The following LIN7B variants were observed in gnomAD, a reference collection of about 807,000 sequenced individuals.
LIN7B encodes protein lin-7 homolog B.
A neutral mutation model predicts 27.9 loss-of-function variants in LIN7B; 16 were observed. The ratio of observed to expected loss-of-function variants is 0.57; its 90% CI spans 0.39 to 0.87. The LOEUF (loss-of-function observed/expected upper bound fraction) is 0.87, where lower values mean the gene tolerates loss of function less well. Among genes scored for constraint, LIN7B ranks in the 40% least tolerant of loss-of-function variants. The probability of loss-of-function intolerance (pLI) is 0.00; values close to 1 mark genes in which losing one functional copy is unlikely to be tolerated. For missense variants in LIN7B, 291 were observed against 288.5 expected (o/e 1.01, Z -0.06); for synonymous variants, 147 against 120.8 (o/e 1.22, Z -1.42).
intron 5 of LIN7B, 92 bp downstream of exon 5, chr19:49,118,110 A>T: frequency 6.4e-7 from 1 of 1,550,500 alleles, no homozygotes. Context: ...TGGATCTTCC[A>T]GCCCTGGCCC....
At chr19:49,118,273 C>G in intron 5 of LIN7B, 79 bp from the exon 6 acceptor site, 2 of 1,527,690 alleles carry the variant, frequency 1.3e-6, no homozygotes, top group Non-Finnish European at 1.8e-6. Context: ...TGGGCCCTTG[C>G]CTCTGCAACC....
At chr19:49,115,537 A>C in intron 3 of LIN7B, 1 of 568,216 alleles carries the variant, frequency 1.8e-6, no homozygotes, top group Non-Finnish European at 3.2e-6. Flanking sequence ...ACAGTATGGC[A>C]TGGTTGGTAG....
At chr19:49,115,595 G>A (rs1361566388) in intron 3 of LIN7B, 2 of 369,272 alleles carry the variant, frequency 5.4e-6, no homozygotes, top group African/African-American at 2.1e-5. Context: ...AACTCATGGC[G>A]CTCTGACCTC....
chr19:49,117,072 C>T (rs1222033750), intron 4 of LIN7B, among the ~76,000 whole-genome samples: 2 of 151,710 alleles, frequency 1.3e-5, no homozygotes, highest in Non-Finnish European at 2.9e-5. Flanking sequence ...ATGGTGAAAT[C>T]CCATCTCTAC....
intron 4 of LIN7B, 47 bp downstream of exon 4, chr19:49,116,519 G>A (rs751566243): frequency 7.2e-6 from 11 of 1,529,534 alleles, no homozygotes; most frequent in South Asian, 1.2e-5. Context: ...TCTGTCTAAC[G>A]TAGCATAGCC....
intron 2 of LIN7B, 81 bp downstream of exon 2, chr19:49,115,048 A>C (rs2040803448): frequency 9.7e-7 from 1 of 1,029,502 alleles, no homozygotes. Flanking sequence ...GAGCCCGGAG[A>C]CTACGCCTCC....
At chr19:49,115,422 C>T (rs2122454682) in intron 3 of LIN7B, 91 bp downstream of exon 3, 2 of 1,197,000 alleles carry the variant, frequency 1.7e-6, no homozygotes, top group Admixed American at 2.6e-5. Flanking sequence ...TGTTTCCTCC[C>T]TCATGATTTT....
chr19:49,115,421 C>G, intron 3 of LIN7B, 90 bp downstream of exon 3: 1 of 1,201,854 alleles, frequency 8.3e-7, no homozygotes, highest in Non-Finnish European at 1.2e-6. Flanking sequence ...CTGTTTCCTC[C>G]CTCATGATTT....
At chr19:49,115,830 CAA>C (rs761676853) in intron 3 of LIN7B, 84 of 76,616 alleles carry the variant, frequency 1.1e-3, no homozygotes, top group South Asian at 5.6e-3. Context: ...CACAGAAATA[CAA>C]AAAAAAAAAA....
intron 1 of LIN7B, 190 bp from the exon 2 acceptor site, chr19:49,114,659 G>A: frequency 2.2e-6 from 1 of 451,454 alleles, no homozygotes; most frequent in Non-Finnish European, 3.7e-6. Flanking sequence ...GCCTGTGGAG[G>A]GGTCCCGGGG....
intron 2 of LIN7B, 113 bp downstream of exon 2, chr19:49,115,080 G>T (rs2040803716): frequency 1.1e-6 from 1 of 893,864 alleles, no homozygotes; most frequent in Non-Finnish European, 1.6e-6. Flanking sequence ...GAGGCGGCCC[G>T]CCTTGGGGTG....
chr19:49,114,741 C>T (rs1211365211), intron 1 of LIN7B, 108 bp from the exon 2 acceptor site: 2 of 590,882 alleles, frequency 3.4e-6, no homozygotes, highest in Non-Finnish European at 5.3e-6. Context: ...AGGCTTCGGC[C>T]GTCCTCCCCG....
At position 49,118,457 on chromosome 19, in the gene LIN7B, C is replaced by G. The variant is rs113209464; in HGVS notation, c.*84C>G. 2.1e-5 allele frequency: 33 copies of G among 1,578,750 alleles called. No homozygotes were observed. The African/African-American group carries it at 2.6e-4, about 12-fold the overall frequency. On this transcript the variant is annotated 3_prime_UTR_variant, in exon 6 of 6. Transcript: ENST00000221459. ...GCACTTTATTTAAAGATATTTGACCCTCACTGAGTGTCTGTGTGTCTGTCC... is the reference window on the plus strand; with the variant it reads ...GCACTTTATTTAAAGATATTTGACCGTCACTGAGTGTCTGTGTGTCTGTCC...
rs2112717 is a variant in LIN7B at position 49,117,954 on chromosome 19, G to A, written c.538G>A (p.Glu180Lys). The A allele has an allele frequency of 2.5e-6, 4 of 1,614,014 alleles. No individual in the cohort carries two copies. Among genetic ancestry groups the A allele is most frequent in the African/African-American group, 2.7e-5 (2 of 74,908 alleles). Residue 180 changes from glutamate to lysine, a missense_variant, in exon 5 of 6, where the codon GAG becomes AAG. Transcript: ENST00000221459. ...VVRYTPRVLEEMEARFEKMRS... is the reference protein window; with the variant it reads ...VVRYTPRVLEKMEARFEKMRS... ...CCGTTACACACCGCGAGTGCTGGAG[G>A]AGATGGAGGCCCGGTTCGAGAAGAT...
intron 5 of LIN7B, 137 bp downstream of exon 5, chr19:49,118,155 A>G: frequency 6.9e-7 from 1 of 1,448,158 alleles, no homozygotes; most frequent in Non-Finnish European, 9.4e-7. Flanking sequence ...CCCTTGGCCC[A>G]GGCTCTCACC....
Position 49,115,091 on chromosome 19 carries a change from C to G in LIN7B, c.156+124C>G, listed in dbSNP as rs573658722. On this transcript the variant is annotated intron_variant, in intron 2 of 5. Coordinates refer to ENST00000221459, the MANE Select transcript of LIN7B (RefSeq NM_022165.3). ...TCCCGAGGCGGCCCGCCTTGGGGTG[C>G]CAACGCTTCAGCTCAGGGGTTCTTC... The G allele has an allele frequency of 1.8e-5, 16 of 886,320 alleles. No homozygotes were observed. The African/African-American group carries it at 2.6e-4, about 15-fold the overall frequency. 54.9% of individuals were successfully genotyped at this position (886,320 alleles called of 1,614,324 possible). A position where few individuals can be genotyped will look rare whatever the true frequency, so the allele number is the denominator to read the frequency against.
At chr19:49,118,256 A>T (rs772671442) in intron 5 of LIN7B, 96 bp from the exon 6 acceptor site, 3 of 1,443,778 alleles carry the variant, frequency 2.1e-6, no homozygotes, top group Non-Finnish European at 2.9e-6. Context: ...CCCTCAGCCC[A>T]CTTACCTGGG....
In LIN7B at chr19:49,116,391, C is replaced by G; in HGVS notation, c.357C>G (p.Ile119Met). 1.2e-6 allele frequency: 2 copies of G among 1,614,238 alleles called. No individual in the cohort carries two copies. The highest frequency in any genetic ancestry group is 1.7e-6 in the Non-Finnish European group (2 of 1,180,042). Residue 119 changes from isoleucine (I) to methionine (M), a missense_variant, in exon 4 of 6, where the codon ATC (isoleucine) becomes ATG (methionine). Transcript: ENST00000221459. ...GGKEQNSPIYISRVIPGGVAD... is the reference protein window; with the variant it reads ...GGKEQNSPIYMSRVIPGGVAD... ...AAGAGCAAAACTCGCCCATCTACAT[C>G]TCCCGGGTCATCCCAGGGGGTGTGG...
At chr19:49,115,612 C>T (rs1465084604) in intron 3 of LIN7B, 4 of 322,784 alleles carry the variant, frequency 1.2e-5, no homozygotes, top group East Asian at 6.2e-5. Flanking sequence ...CCTCTCACTG[C>T]ACAATAGTTA....
Sources: gnomAD v4.1 joint callset for allele counts (sites outside exome capture counted in the v4.1 genomes callset) on GRCh38, gnomAD v4.1.1 for gene constraint, MANE v1.5 for transcripts, NCBI Gene and HGNC (gene_info 2026-07-23, HGNC 2026-07-21) for gene names.